Variants in ZRANB3 observed in about 807,000 individuals in gnomAD.
The protein encoded by ZRANB3 is zinc finger RANBP2-type containing 3, also known as DNA annealing helicase and endonuclease ZRANB3.
In ZRANB3, 125 loss-of-function variants were observed where a neutral mutation model predicts 133.8. The ratio of observed to expected loss-of-function variants is 0.93; its 90% CI spans 0.81 to 1.08. The LOEUF (loss-of-function observed/expected upper bound fraction) is 1.08. Ranked by LOEUF, ZRANB3 falls within the 50% of genes least tolerant of loss-of-function variation. The pLI is 0.00. For missense variants in ZRANB3, 1,229 were observed against 1,275.5 expected (o/e 0.96, Z 0.56); for synonymous variants, 387 against 432.7 (o/e 0.89, Z 1.31).
chr2:135,351,870 G>A (rs1048313831), intron 4 of ZRANB3, among the ~76,000 whole-genome samples: 3 of 152,076 alleles, frequency 2.0e-5, no homozygotes, highest in African/African-American at 7.2e-5. Flanking sequence ...CTTATACTCT[G>A]GAGTTGTACT....
intron 6 of ZRANB3, among the ~76,000 whole-genome samples, chr2:135,321,499 A>G (rs1170740967): frequency 6.9e-6 from 1 of 144,298 alleles, no homozygotes; most frequent in Non-Finnish European, 1.5e-5. Context: ...TTTGAGACAG[A>G]GTCTCATTCT....
At chr2:135,301,871 G>C (rs1053935822) in intron 8 of ZRANB3, among the ~76,000 whole-genome samples, 7 of 152,140 alleles carry the variant, frequency 4.6e-5, no homozygotes, top group Admixed American at 2.0e-4. Flanking sequence ...AGTTCCTTGA[G>C]AGGAAGACAT....
chr2:135,486,406 G>A (rs1057448939), intron 2 of ZRANB3, among the ~76,000 whole-genome samples: 9 of 151,922 alleles, frequency 5.9e-5, no homozygotes, highest in Non-Finnish European at 1.0e-4. Context: ...ACTCCTCATC[G>A]TTCAAGTTTT....
chr2:135,411,844 G>C (rs1413185456), intron 2 of ZRANB3, among the ~76,000 whole-genome samples: 1 of 152,040 alleles, frequency 6.6e-6, no homozygotes, highest in African/African-American at 2.4e-5. Flanking sequence ...TTCACCAGAA[G>C]CCCAAACCCT....
chr2:135,343,911 T>A (rs904641615), intron 6 of ZRANB3, among the ~76,000 whole-genome samples: 8 of 150,830 alleles, frequency 5.3e-5, no homozygotes, highest in Non-Finnish European at 1.0e-4. Flanking sequence ...AATCTGACAC[T>A]AAGCTGGTGG....
chr2:135,289,460 T>C (rs926707172), intron 8 of ZRANB3, among the ~76,000 whole-genome samples: 1 of 152,150 alleles, frequency 6.6e-6, no homozygotes, highest in Non-Finnish European at 1.5e-5. Flanking sequence ...TTCACCATGT[T>C]GGCCAGGCCG....
intron 2 of ZRANB3, among the ~76,000 whole-genome samples, chr2:135,441,918 T>C (rs767739071): frequency 2.0e-5 from 3 of 152,134 alleles, no homozygotes; most frequent in Non-Finnish European, 4.4e-5. Context: ...AAGTCCATCA[T>C]CTCAGTCTAA....
intron 2 of ZRANB3, among the ~76,000 whole-genome samples, chr2:135,414,218 G>C (rs1019199436): frequency 2.0e-5 from 3 of 152,174 alleles, no homozygotes; most frequent in Non-Finnish European, 4.4e-5. Flanking sequence ...CATCTCACGT[G>C]CAGAGACACA....
chr2:135,328,530 C>T (rs1472321476), intron 6 of ZRANB3, among the ~76,000 whole-genome samples: 1 of 151,984 alleles, frequency 6.6e-6, no homozygotes, highest in Admixed American at 6.6e-5. Flanking sequence ...GATACGTGTG[C>T]ATGTGTCTTT....
At chr2:135,304,013 G>A (rs956017778) in intron 8 of ZRANB3, among the ~76,000 whole-genome samples, 3 of 152,072 alleles carry the variant, frequency 2.0e-5, no homozygotes, top group African/African-American at 7.2e-5. Flanking sequence ...ATCACTCTTC[G>A]ATTTTCTATG....
chr2:135,272,441 G>A lies in ZRANB3; in HGVS notation c.1087-554C>T, dbSNP rs557111817. Among the ~76,000 whole-genome samples the A allele has an allele frequency of 2.1e-4, 19 of 91,304 alleles. No individual in the cohort carries two copies. In the South Asian group the frequency reaches 6.6e-3, roughly 32 times the overall value. 59.9% of individuals were successfully genotyped at this position (91,304 alleles called of 152,430 possible). ...TTTTTTTTTTTTTTTTTGTGACGGA[G>A]TCTTGCTCTGTCACCCAGGCTGGAG... On this transcript the variant is annotated intron_variant, in intron 9 of 20. Transcript: ENST00000264159.
At chr2:135,327,881 AAT>A (rs1683914664) in intron 6 of ZRANB3, among the ~76,000 whole-genome samples, 2 of 152,180 alleles carry the variant, frequency 1.3e-5, no homozygotes, top group Admixed American at 1.3e-4. Context: ...GATATCAAAA[AAT>A]GTCCTAAGAT....
chr2:135,226,507 G>A (rs756830040), intron 14 of ZRANB3, among the ~76,000 whole-genome samples: 3 of 152,204 alleles, frequency 2.0e-5, no homozygotes, highest in Non-Finnish European at 4.4e-5. Flanking sequence ...AGGGAAGCAC[G>A]ACTAGGTAAG....
rs1237270027 is a variant in ZRANB3, at chr2:135,237,491, C to T, written c.1540-6564G>A. On this transcript the variant is annotated intron_variant, in intron 12 of 20. Coordinates refer to ENST00000264159, the MANE Select transcript of ZRANB3 (RefSeq NM_032143.4). ...ATGCTGCTATAAAGACACATGCACA[C>T]GTATGTTTATTGCGGCATTATTCAC... Among the ~76,000 whole-genome samples, 3 of 151,662 alleles carry T rather than the reference C, an allele frequency of 2.0e-5. No individual in the cohort carries two copies. The East Asian group carries it at 5.8e-4, about 29-fold the overall frequency.
At chr2:135,307,299 C>T (rs544701599) in intron 8 of ZRANB3, among the ~76,000 whole-genome samples, 39 of 152,252 alleles carry the variant, frequency 2.6e-4, no homozygotes, top group African/African-American at 8.9e-4. Context: ...TTCCTGGGCT[C>T]GAGCAATCTG....
chr2:135,478,581 A>G (rs1473400063), intron 2 of ZRANB3, among the ~76,000 whole-genome samples: 1 of 152,228 alleles, frequency 6.6e-6, no homozygotes, highest in Non-Finnish European at 1.5e-5. Flanking sequence ...TGTATGTACA[A>G]TTAATATATG....
chr2:135,270,294 A>G (rs1680453398), intron 10 of ZRANB3, among the ~76,000 whole-genome samples: 1 of 152,168 alleles, frequency 6.6e-6, no homozygotes, highest in Non-Finnish European at 1.5e-5. Flanking sequence ...TAAAGGGAAA[A>G]TATGTTGGCA....
At chr2:135,431,370 TTA>T (rs1207599653) in intron 2 of ZRANB3, among the ~76,000 whole-genome samples, 4 of 150,878 alleles carry the variant, frequency 2.7e-5, no homozygotes, top group African/African-American at 9.7e-5. Context: ...TTATACATTA[TTA>T]TATATAATTT....
At chr2:135,458,030 C>T (rs1449283469) in intron 2 of ZRANB3, among the ~76,000 whole-genome samples, 2 of 152,074 alleles carry the variant, frequency 1.3e-5, no homozygotes, top group Non-Finnish European at 2.9e-5. Flanking sequence ...CTTTCAAGTT[C>T]TAGCTCTTAC....
Sources: allele counts gnomAD v4.1 joint callset (sites outside exome capture counted in the v4.1 genomes callset), GRCh38; gene constraint gnomAD v4.1.1; transcripts MANE v1.5; gene names NCBI Gene and HGNC (gene_info 2026-07-23, HGNC 2026-07-21).